Variants in DGKK observed in about 807,000 individuals in gnomAD.
DGKK encodes diacylglycerol kinase kappa.
DGKK carries 35 observed loss-of-function variants against 92.2 expected under a neutral mutation model. The observed-to-expected ratio is 0.38, with a 90% confidence interval of 0.29 to 0.50. The LOEUF (loss-of-function observed/expected upper bound fraction) is 0.50. Ranked by LOEUF, DGKK falls within the 20% of genes least tolerant of loss-of-function variation. The pLI, the probability that DGKK is intolerant of heterozygous loss-of-function variation, is 0.92. For synonymous variants in DGKK, 368 were observed against 360.6 expected, an observed-to-expected ratio of 1.02 and a Z score of -0.23; for missense variants, 910 against 992.2, an observed-to-expected ratio of 0.92 and a Z score of 1.11.
At chrX:50,445,550 T>C (rs1470744582) in intron 1 of DGKK, among the ~76,000 whole-genome samples, 4 of 111,376 alleles carry the variant, frequency 3.6e-5, no homozygotes, top group Admixed American at 9.5e-5. Context: ...CTTTTCCCTA[T>C]TGCTTGTTTT....
At chrX:50,430,419 C>T (rs1925859085) in intron 1 of DGKK, among the ~76,000 whole-genome samples, 1 of 112,032 alleles carries the variant, frequency 8.9e-6, no homozygotes, top group Non-Finnish European at 1.9e-5. Flanking sequence ...CTCTATTAGA[C>T]ATTAAAACCC....
chrX:50,376,066 G>A lies in DGKK; in HGVS notation c.3372C>T (p.Asp1124=), dbSNP rs1557223794. The A allele has an allele frequency of 8.3e-7, 1 of 1,209,344 alleles. No homozygotes were observed. The highest frequency in any genetic ancestry group is 1.8e-5 in the South Asian group (1 of 56,597). Residue 1124 remains aspartate (D), a synonymous_variant, in exon 24 of 28, where the codon GAC becomes GAT. Transcript: ENST00000611977. The part of the protein sequence containing the change: ...NILNDIFYGQ[D]SGNEMGAASC... ...AAGCTGCACCCATCTCATTGCCACTGTCTTGGCCGTAAAATATATCATTCA... is the reference window on the plus strand; with the variant it reads ...AAGCTGCACCCATCTCATTGCCACTATCTTGGCCGTAAAATATATCATTCA...
intron 1 of DGKK, among the ~76,000 whole-genome samples, chrX:50,442,062 A>G (rs1164666057): frequency 1.8e-5 from 2 of 111,137 alleles, no homozygotes; most frequent in Middle Eastern, 4.2e-3. Flanking sequence ...CAGAATGCTC[A>G]ATTAATTTCC....
rs887878943 is a variant in DGKK at position 50,435,365 on chromosome X, C to T, written c.646-11007G>A. Among the ~76,000 whole-genome samples the T allele has an allele frequency of 8.0e-5, 9 of 112,039 alleles. No individual in the cohort carries two copies. The South Asian group carries it at 1.9e-3, about 23-fold the overall frequency. On this transcript the variant is annotated intron_variant, in intron 1 of 27. Coordinates refer to ENST00000611977, the MANE Select transcript of DGKK (RefSeq NM_001013742.4). ...ATGGTGAGCCCACATCACCTAAACACGTATACTTGGGAAGTACATGTTTAC... is the reference window on the plus strand; with the variant it reads ...ATGGTGAGCCCACATCACCTAAACATGTATACTTGGGAAGTACATGTTTAC...
intron 8 of DGKK, among the ~76,000 whole-genome samples, chrX:50,396,800 TG>T (rs1225523792): frequency 1.8e-5 from 2 of 112,207 alleles, no homozygotes; most frequent in African/African-American, 6.5e-5. Context: ...AATGTAATAA[TG>T]TTAAGATTTA....
At chrX:50,388,417 G>T in intron 13 of DGKK, 110 bp downstream of exon 13, 1 of 516,645 alleles carries the variant, frequency 1.9e-6, no homozygotes, top group Non-Finnish European at 3.2e-6. Flanking sequence ...AATCTGATTT[G>T]GGAACATAAA....
At position 50,447,024 on chromosome X, in the gene DGKK, C is replaced by T. The variant is rs781856634; in HGVS notation, c.646-22666G>A. Among the ~76,000 whole-genome samples, 5 of 107,226 alleles carry T rather than the reference C, an allele frequency of 4.7e-5. No individual in the cohort carries two copies. The South Asian group carries it at 2.1e-3, about 44-fold the overall frequency. 93.1% of individuals were successfully genotyped at this position (107,226 alleles called of 115,157 possible). On this transcript the variant is annotated intron_variant, in intron 1 of 27. Coordinates refer to ENST00000611977, the MANE Select transcript of DGKK (RefSeq NM_001013742.4). ...GATGGAATTCATAGAACCATAGCTC[C>T]TAGAGCTGAATATAATACTGTAAAA... is the stretch of plus-strand genomic sequence containing the variant.
chrX:50,422,318 G>A (rs906416768), intron 3 of DGKK, 128 bp downstream of exon 3: 2 of 468,514 alleles, frequency 4.3e-6, no homozygotes, highest in Middle Eastern at 4.0e-4. Flanking sequence ...TTGCATGAAT[G>A]ATAACACTTT....
chrX:50,403,246 C>T, intron 6 of DGKK, 63 bp from the exon 7 acceptor site: 1 of 1,125,895 alleles, frequency 8.9e-7, no homozygotes, highest in Non-Finnish European at 1.2e-6. Flanking sequence ...GAAGGGCCAA[C>T]TGGAATAATT....
chrX:50,379,878 TCA>T, intron 19 of DGKK, 101 bp downstream of exon 19: 1 of 939,004 alleles, frequency 1.1e-6, no homozygotes, highest in Non-Finnish European at 1.5e-6. Context: ...GCTGTGAGGA[TCA>T]CAGAGTTAAA....
rs782447756 is a variant in DGKK, at chrX:50,393,352, A to C, written c.1412-17T>G. 8.6e-7 allele frequency: 1 copy of C among 1,168,770 alleles called. No homozygotes were observed. The highest frequency in any genetic ancestry group is 1.2e-6 in the Non-Finnish European group (1 of 867,906). The stretch of plus-strand genomic sequence containing the variant: ...CTAATTGGCCTGACACAACGAAAAG[A>C]AAAAGAAGAAAAAAAAGAACGGACC... On this transcript the variant is annotated splice_polypyrimidine_tract_variant and intron_variant, in intron 8 of 27. Transcript: ENST00000611977.
At chrX:50,426,178 G>A (rs782646572) in intron 1 of DGKK, among the ~76,000 whole-genome samples, 1 of 111,776 alleles carries the variant, frequency 8.9e-6, no homozygotes, top group Non-Finnish European at 1.9e-5. Flanking sequence ...TTTGTCGTAT[G>A]TAATGTCCCC....
At chrX:50,446,881 A>G (rs142530719) in intron 1 of DGKK, among the ~76,000 whole-genome samples, 1,129 of 110,509 alleles carry the variant, frequency 0.01, 7 homozygotes, top group Middle Eastern at 0.046. Flanking sequence ...ACATGTGTGT[A>G]TATGTATATG....
chrX:50,460,204 T>C lies in DGKK; in HGVS notation c.645+9830A>G, dbSNP rs782262735. On this transcript the variant is annotated intron_variant, in intron 1 of 27. Transcript: ENST00000611977. ...CTTTCTGGGTTTCAAGTCTCTTTACTGACAGCCAAGGAGCTTAACAATTTT... is the reference window on the plus strand; with the variant it reads ...CTTTCTGGGTTTCAAGTCTCTTTACCGACAGCCAAGGAGCTTAACAATTTT... Among the ~76,000 whole-genome samples, 12 of 112,138 alleles carry C rather than the reference T, an allele frequency of 1.1e-4. No homozygotes were observed. In the East Asian group the frequency reaches 3.4e-3, roughly 32 times the overall value.
chrX:50,415,893 G>C (rs1305682609), intron 4 of DGKK, among the ~76,000 whole-genome samples: 1 of 111,941 alleles, frequency 8.9e-6, no homozygotes, highest in Non-Finnish European at 1.9e-5. Flanking sequence ...ATGTTGGAAT[G>C]AGTTAAGACT....
chrX:50,409,705 C>T (rs112713198), intron 4 of DGKK, among the ~76,000 whole-genome samples: 3,330 of 111,743 alleles, frequency 0.03, 54 homozygotes, highest in Non-Finnish European at 0.046. Flanking sequence ...TTGCTCCGAT[C>T]GGATTCTTCA....
Position 50,390,338 on chromosome X carries a change from G to A in DGKK, c.1916C>T (p.Pro639Leu), listed in dbSNP as rs782144056. ...CTGAACAGTAGTTACCTCAAATCGT[G>A]GTACATCCATTTCAACCTGTCCTTT... ...LLKGQVEMDV[P>L]RFEAAAIQHL... The change falls in exon 12 of 28, where the codon CCA becomes CTA. Residue 639 changes from proline (P) to leucine (L), a missense_variant. Pro to Leu is a moderately conservative substitution (Grantham distance 98). Coordinates refer to ENST00000611977, the MANE Select transcript of DGKK (RefSeq NM_001013742.4). 72 of 1,208,145 alleles carry A rather than the reference G, an allele frequency of 6.0e-5. 1 individual carries two copies. In the South Asian group the frequency reaches 1.3e-3, roughly 21 times the overall value.
chrX:50,449,642 C>T (rs1285239223), intron 1 of DGKK, among the ~76,000 whole-genome samples: 1 of 110,489 alleles, frequency 9.1e-6, no homozygotes, highest in Middle Eastern at 4.2e-3. Context: ...AAGAGCTGAG[C>T]CGGCTCACAA....
In DGKK at chrX:50,420,314, A is replaced by G. The variant is rs1429698200; in HGVS notation, c.942+89T>C. On this transcript the variant is annotated intron_variant, in intron 4 of 27. Coordinates refer to ENST00000611977, the MANE Select transcript of DGKK (RefSeq NM_001013742.4). ...AACAGGTGGTCTCTGCTTCCATCTT[A>G]TTATTTCCCTGCTCTAAAGGTGGCT... 21 of 834,057 alleles carry G rather than the reference A, an allele frequency of 2.5e-5. No homozygotes were observed. In the African/African-American group the frequency reaches 4.1e-4, roughly 16 times the overall value. 68.7% of individuals were successfully genotyped at this position (834,057 alleles called of 1,213,427 possible).
Sources: gnomAD v4.1 joint callset for allele counts (sites outside exome capture counted in the v4.1 genomes callset) on GRCh38, gnomAD v4.1.1 for gene constraint, MANE v1.5 for transcripts, NCBI Gene and HGNC (gene_info 2026-07-23, HGNC 2026-07-21) for gene names.